Variants in RBM33 observed in about 807,000 individuals in gnomAD.
RBM33 encodes the protein RNA binding motif protein 33, also known as RNA-binding protein 33.
A neutral mutation model predicts 132.6 loss-of-function variants in RBM33; 28 were observed. The ratio of observed to expected loss-of-function variants is 0.21; its 90% CI spans 0.16 to 0.29. The LOEUF (loss-of-function observed/expected upper bound fraction) is 0.29. Among genes scored for constraint, RBM33 ranks in the 10% least tolerant of loss-of-function variants. The pLI, the probability that RBM33 is intolerant of heterozygous loss-of-function variation, is 1.00. For missense variants in RBM33, 1,291 were observed against 1,518.5 expected (o/e 0.85, Z 2.49); for synonymous variants, 634 against 593.0 (o/e 1.07, Z -1.01).
At position 155,741,894 on chromosome 7, in the gene RBM33, C is replaced by T. The variant is rs1801349357; in HGVS notation, c.2125C>T (p.Arg709Cys). The T allele has an allele frequency of 3.7e-6, 6 of 1,613,994 alleles. No individual in the cohort carries two copies. The highest frequency in any genetic ancestry group is 5.1e-6 in the Non-Finnish European group (6 of 1,179,886). The stretch of plus-strand genomic sequence containing the variant: ...CACTGCGCCAAGGAACAGCAATTTG[C>T]GTGAATTACCCATAGCGCCGTCACA... ...QPTAPRNSNL[R>C]ELPIAPSHVI... Residue 709 changes from arginine (R) to cysteine (C), a missense_variant, in exon 13 of 18, where the codon CGT becomes TGT. Arg to Cys is a radical substitution (Grantham distance 180, BLOSUM62 -3). Coordinates refer to ENST00000401878, the MANE Select transcript of RBM33 (RefSeq NM_053043.3).
At position 155,737,602 on chromosome 7, in the gene RBM33, C is replaced by T. The variant is rs377416275; in HGVS notation, c.1333C>T (p.Leu445Phe). ...TTTCAGCCAGCCCCCACGACTCCCT[C>T]TCCAGGACCAGTGGAGAGCCCCACC... ...NSFSQPPRLPLQDQWRAPPPP... is the reference protein window; with the variant it reads ...NSFSQPPRLPFQDQWRAPPPP... Residue 445 changes from leucine (L) to phenylalanine (F), a missense_variant, in exon 10 of 18, where the codon CTC becomes TTC. This residue lies in a region of RBM33 where 841 missense variants were observed against 912.0 expected (regional missense o/e 0.92). Transcript: ENST00000401878. The T allele has an allele frequency of 1.2e-6, 2 of 1,613,018 alleles. No individual in the cohort carries two copies. Among genetic ancestry groups the T allele is most frequent in the African/African-American group, 2.7e-5 (2 of 74,856 alleles).
intron 3 of RBM33, among the ~76,000 whole-genome samples, chr7:155,675,364 A>T (rs1799153061): frequency 6.6e-6 from 1 of 151,496 alleles, no homozygotes; most frequent in Non-Finnish European, 1.5e-5. Context: ...ACATTGTATC[A>T]TTGGCATTTC....
intron 4 of RBM33, 138 bp downstream of exon 4, chr7:155,678,822 T>G (rs988553995): frequency 1.0e-5 from 6 of 573,482 alleles, no homozygotes; most frequent in African/African-American, 7.7e-5. Context: ...AATGGAATAC[T>G]AGTAATAACT....
chr7:155,669,712 C>G (rs539552584), intron 2 of RBM33, among the ~76,000 whole-genome samples: 14 of 152,126 alleles, frequency 9.2e-5, no homozygotes, highest in Non-Finnish European at 2.1e-4. Flanking sequence ...GGTTAAAGAA[C>G]TAATGAGTTC....
Position 155,745,646 on chromosome 7 carries a change from C to T in RBM33, c.2979+44C>T. Reference sequence around the variant, plus strand: ...TGAGAGCCTCTTTGAGTCTGTGTATCACATAGAATGTCCTCATTTGCAGAG... The same window carrying T: ...TGAGAGCCTCTTTGAGTCTGTGTATTACATAGAATGTCCTCATTTGCAGAG... On this transcript the variant is annotated intron_variant, in intron 14 of 17. Coordinates refer to ENST00000401878, the MANE Select transcript of RBM33 (RefSeq NM_053043.3). This position sits in a 1 kb window ranked among gnomAD's most constrained non-coding sequence, Gnocchi z 4.1. The T allele has an allele frequency of 6.9e-7, 1 of 1,452,424 alleles. No individual in the cohort carries two copies. Among genetic ancestry groups the T allele is most frequent in the Middle Eastern group, 1.8e-4 (1 of 5,508 alleles). 90.0% of individuals were successfully genotyped at this position (1,452,424 alleles called of 1,614,324 possible). A position where few individuals can be genotyped will look rare whatever the true frequency, so the allele number is the denominator to read the frequency against.
chr7:155,694,044 C>T (rs371393341), intron 5 of RBM33, among the ~76,000 whole-genome samples: 5 of 152,124 alleles, frequency 3.3e-5, no homozygotes, highest in African/African-American at 7.2e-5. Flanking sequence ...TGTTGCCGCA[C>T]GCTTTGGTCT....
At position 155,705,340 on chromosome 7, in the gene RBM33, C is replaced by G. The variant is rs551591479; in HGVS notation, c.740-1520C>G. ...TGAAATTAATCTTGACACTCAGAAC[C>G]ACTAGAAAAATAATTGCTGATTCAC... is the stretch of plus-strand genomic sequence containing the variant. On this transcript the variant is annotated intron_variant, in intron 6 of 17. Coordinates refer to ENST00000401878, the MANE Select transcript of RBM33 (RefSeq NM_053043.3). Among the ~76,000 whole-genome samples, 8 of 152,252 alleles carry G rather than the reference C, an allele frequency of 5.3e-5. No individual in the cohort carries two copies. In the South Asian group the frequency reaches 1.5e-3, roughly 28 times the overall value.
chr7:155,726,358 A>G (rs1235028002), intron 9 of RBM33, among the ~76,000 whole-genome samples: 1 of 149,554 alleles, frequency 6.7e-6, no homozygotes, highest in African/African-American at 2.5e-5. Context: ...AAAGTTTTTC[A>G]TCGTTTTTTT....
intron 14 of RBM33, among the ~76,000 whole-genome samples, chr7:155,747,860 T>G (rs1801566837): frequency 1.3e-5 from 2 of 152,254 alleles, no homozygotes; most frequent in African/African-American, 4.8e-5. Context: ...TGGCATTGTT[T>G]TTTGTTTTTT....
At chr7:155,724,941 A>T (rs1050722618) in intron 9 of RBM33, among the ~76,000 whole-genome samples, 3 of 150,430 alleles carry the variant, frequency 2.0e-5, no homozygotes, top group African/African-American at 7.4e-5. Context: ...GGTTATTTCA[A>T]GTCTTCGGAT....
At chr7:155,673,402 T>TTGTGGG (rs1491358812) in intron 3 of RBM33, among the ~76,000 whole-genome samples, 5 of 45,162 alleles carry the variant, frequency 1.1e-4, no homozygotes, top group African/African-American at 7.4e-4. Context: ...TTTATATATA[T>TTGTGGG]TGTGTGTGTG....
At chr7:155,757,989 G>A (rs1484831110) in intron 14 of RBM33, among the ~76,000 whole-genome samples, 2 of 152,096 alleles carry the variant, frequency 1.3e-5, no homozygotes, top group East Asian at 1.9e-4. Flanking sequence ...ACAGTCATCC[G>A]CCCCATGATC....
At chr7:155,743,196 A>G (rs1004540682) in intron 13 of RBM33, among the ~76,000 whole-genome samples, 2 of 152,270 alleles carry the variant, frequency 1.3e-5, no homozygotes, top group South Asian at 2.1e-4. Context: ...TTTAAAATCA[A>G]TATGTGAAAA....
chr7:155,670,414 G>A (rs1798913701), intron 2 of RBM33, among the ~76,000 whole-genome samples: 1 of 152,190 alleles, frequency 6.6e-6, no homozygotes. Context: ...AAGAGTGGAT[G>A]TAGTTTTACA....
chr7:155,739,819 G>GGCCCCCCCC lies in RBM33; in HGVS notation c.1842_1843insGCCCCCCCC (p.Gln614_Pro615insAlaProPro). ...AGCCTCCGCACCAGCCCCCGCACCAGCCCCCGCCCCAGCACCAGCCCCCAC... is the reference window on the plus strand; with the variant it reads ...AGCCTCCGCACCAGCCCCCGCACCAGGCCCCCCCCCCCCCGCCCCAGCACCAGCCCCCAC... On this transcript the variant is annotated inframe_insertion, in exon 12 of 18. Transcript: ENST00000401878. The GGCCCCCCCC allele has an allele frequency of 2.1e-6, 1 of 469,802 alleles. No homozygotes were observed. The highest frequency in any genetic ancestry group is 3.0e-6 in the Non-Finnish European group (1 of 333,160). 29.1% of individuals were successfully genotyped at this position (469,802 alleles called of 1,614,324 possible). A position where few individuals can be genotyped will look rare whatever the true frequency, so the allele number is the denominator to read the frequency against.
In RBM33 at chr7:155,673,772, A is replaced by ACACACC. The variant is rs1554469961; in HGVS notation, c.171+862_171+863insCCACAC. 9.1e-5 allele frequency among the ~76,000 whole-genome samples: 10 copies of ACACACC among 109,724 alleles called. 1 individual carries two copies. The highest frequency in any genetic ancestry group is 5.0e-3 in the Middle Eastern group (1 of 200). 72.0% of individuals were successfully genotyped at this position (109,724 alleles called of 152,430 possible). A position where few individuals can be genotyped will look rare whatever the true frequency, so the allele number is the denominator to read the frequency against. On this transcript the variant is annotated intron_variant, in intron 3 of 17. Coordinates refer to ENST00000401878, the MANE Select transcript of RBM33 (RefSeq NM_053043.3). ...TGTATATACGCGCGCATGCGCGCAC[A>ACACACC]CACACACACACACACACACACACAC...
chr7:155,661,932 A>AT (rs1798662695), intron 1 of RBM33, among the ~76,000 whole-genome samples: 1 of 151,716 alleles, frequency 6.6e-6, no homozygotes, highest in Non-Finnish European at 1.5e-5. Flanking sequence ...ATATCTTGTA[A>AT]TTTTTTGTTG....
At chr7:155,660,779 C>G (rs938973018) in intron 1 of RBM33, among the ~76,000 whole-genome samples, 1 of 152,124 alleles carries the variant, frequency 6.6e-6, no homozygotes, top group African/African-American at 2.4e-5. Context: ...TAAATATTTT[C>G]CAGTACCTTT....
intron 14 of RBM33, among the ~76,000 whole-genome samples, chr7:155,752,672 A>G (rs1801722769): frequency 6.6e-6 from 1 of 152,164 alleles, no homozygotes; most frequent in Non-Finnish European, 1.5e-5. Context: ...GCCCTGTGAG[A>G]ACCACTGGTC....
Sources: allele counts gnomAD v4.1 joint callset (sites outside exome capture counted in the v4.1 genomes callset), GRCh38; gene constraint gnomAD v4.1.1; regional missense constraint gnomAD v4.1.1; non-coding constraint Gnocchi (gnomAD v3.1); transcripts MANE v1.5; gene names NCBI Gene and HGNC (gene_info 2026-07-23, HGNC 2026-07-21).